Variants in KIAA1586 observed in about 807,000 individuals in gnomAD.
KIAA1586 encodes the protein E3 SUMO-protein ligase KIAA1586.
A neutral mutation model predicts 6.1 loss-of-function variants in KIAA1586; 5 were observed. The observed-to-expected ratio is 0.82, with a 90% CI of 0.43 to 1.73. KIAA1586 has a LOEUF of 1.73. Ranked by LOEUF, KIAA1586 falls within the 40% of genes most tolerant of loss-of-function variation. The pLI is 0.02. For missense variants in KIAA1586, 899 were observed against 878.2 expected (o/e 1.02, Z -0.30); for synonymous variants, 280 against 301.7 (o/e 0.93, Z 0.75).
chr6:57,048,920 A>G, intron 2 of KIAA1586, among the ~76,000 whole-genome samples: 1 of 152,206 alleles, frequency 6.6e-6, no homozygotes, highest in East Asian at 1.9e-4. Context: ...TGAGGAATAA[A>G]TCATTATATT....
intron 3 of KIAA1586, among the ~76,000 whole-genome samples, chr6:57,051,896 C>T (rs1382762868): frequency 6.6e-6 from 1 of 152,178 alleles, no homozygotes; most frequent in Non-Finnish European, 1.5e-5. Context: ...ATTGCTTGAA[C>T]CCGGGAGGTG....
In KIAA1586 at chr6:57,054,477, A is replaced by G. The variant is rs911695814; in HGVS notation, c.1978A>G (p.Lys660Glu). 34 of 1,597,568 alleles carry G rather than the reference A, an allele frequency of 2.1e-5. No homozygotes were observed. The highest frequency in any genetic ancestry group is 2.9e-5 in the Non-Finnish European group (34 of 1,173,868). Residue 660 changes from lysine (K) to glutamate (E), a missense_variant, in exon 4 of 4, where the codon AAA (lysine) becomes GAA (glutamate). By Grantham distance (56) the Lys-to-Glu change is moderately conservative. Coordinates refer to ENST00000370733, the MANE Select transcript of KIAA1586 (RefSeq NM_020931.4). Reference sequence around the variant, plus strand: ...TGAAAAAACATTATTTCATTTGTGTAAAATTTTAAAATATGAAGTTGATTT... The same window carrying G: ...TGAAAAAACATTATTTCATTTGTGTGAAATTTTAAAATATGAAGTTGATTT... ...AGEKTLFHLCKILKYEVDLND... is the reference protein window; with the variant it reads ...AGEKTLFHLCEILKYEVDLND...
the KIAA1586 span, among the ~76,000 whole-genome samples, chr6:57,065,718 A>T: frequency 6.6e-6 from 1 of 152,068 alleles, no homozygotes; most frequent in Non-Finnish European, 1.5e-5. Flanking sequence ...CATCTTTTTC[A>T]TTCATTGTGC....
At chr6:57,051,518 A>G (rs1207665302) in intron 3 of KIAA1586, among the ~76,000 whole-genome samples, 2 of 151,790 alleles carry the variant, frequency 1.3e-5, no homozygotes, top group Non-Finnish European at 2.9e-5. Context: ...TTGATTTATT[A>G]TTTGTTGATT....
rs1386135525 is a variant in KIAA1586 at position 57,050,918 on chromosome 6, G to T, written c.186+64G>T. On this transcript the variant is annotated intron_variant, in intron 3 of 3. Coordinates refer to ENST00000370733, the MANE Select transcript of KIAA1586 (RefSeq NM_020931.4). Reference sequence around the variant, plus strand: ...TAAGTGCAATAGTGTGTTGGTGGTAGCTTGAACTGGATCATAAGAACTAAT... The same window carrying T: ...TAAGTGCAATAGTGTGTTGGTGGTATCTTGAACTGGATCATAAGAACTAAT... 6.8e-6 allele frequency: 8 copies of T among 1,168,110 alleles called. No homozygotes were observed. In the East Asian group the frequency reaches 1.9e-4, roughly 28 times the overall value. The allele number at this position is 1,168,110 out of a possible 1,614,324, so 72.4% of individuals were successfully genotyped here.
rs749456077 is a variant in KIAA1586 at position 57,054,583 on chromosome 6, A to G, written c.2084A>G (p.Lys695Arg). 2 of 1,607,916 alleles carry G rather than the reference A, an allele frequency of 1.2e-6. No individual in the cohort carries two copies. Among genetic ancestry groups the G allele is most frequent in the Admixed American group, 1.7e-5 (1 of 59,602 alleles). ...SIPTTIYKAK[K>R]IVSTIAINSA... ...CCTACAACTATATACAAAGCTAAAA[A>G]GATAGTTAGCACCATTGCAATCAAT... is the stretch of plus-strand genomic sequence containing the variant. The change falls in exon 4 of 4, where the codon AAG becomes AGG. Residue 695 changes from lysine to arginine, a missense_variant. Transcript: ENST00000370733.
chr6:57,052,690 T>C lies in KIAA1586; in HGVS notation c.191T>C (p.Leu64Pro), dbSNP rs1164357103. The change falls in exon 4 of 4, where the codon CTG becomes CCG. Residue 64 changes from leucine (L) to proline (P), a missense_variant. Physicochemically the swap from Leu to Pro is moderately conservative, Grantham distance 98. Coordinates refer to ENST00000370733, the MANE Select transcript of KIAA1586 (RefSeq NM_020931.4). ...ATATGTAAAATTATTTTTCAGATTC[T>C]GTTTCCTAAAATGCCAAAACGACAG... ...ENPSAYYSDILFPKMPKRQGD... is the reference protein window; with the variant it reads ...ENPSAYYSDIPFPKMPKRQGD... The C allele has an allele frequency of 1.3e-6, 2 of 1,550,436 alleles. No homozygotes were observed. Among genetic ancestry groups the C allele is most frequent in the Non-Finnish European group, 1.7e-6 (2 of 1,150,550 alleles).
chr6:57,064,270 G>T, the KIAA1586 span, among the ~76,000 whole-genome samples: 1 of 152,162 alleles, frequency 6.6e-6, no homozygotes, highest in African/African-American at 2.4e-5. Context: ...ATGGAATAAA[G>T]AATAAAAGTT....
At chr6:57,065,230 T>C in the KIAA1586 span, among the ~76,000 whole-genome samples, 1 of 152,208 alleles carries the variant, frequency 6.6e-6, no homozygotes, top group Non-Finnish European at 1.5e-5. Context: ...TGGGGCAATT[T>C]TTTTTAATCT....
Position 57,053,117 on chromosome 6 carries a change from A to C in KIAA1586, c.618A>C (p.Lys206Asn), listed in dbSNP as rs765533267. ...CTAGGCAAGCTTCTCTACGAAAAAA[A>C]ATTAGGGAACATGATGTTTCTAAAG... ...KTTRQASLRK[K>N]IREHDVSKAH... Residue 206 changes from lysine (K) to asparagine (N), a missense_variant, in exon 4 of 4, where the codon AAA (lysine) becomes AAC (asparagine). Physicochemically the swap from Lys to Asn is moderately conservative, Grantham distance 94. Transcript: ENST00000370733. 1.9e-6 allele frequency: 3 copies of C among 1,610,618 alleles called. No homozygotes were observed. The Admixed American group carries it at 5.1e-5, about 27-fold the overall frequency.
downstream of KIAA1586, chr6:57,055,255 A>G (rs1196373074): frequency 6.5e-6 from 1 of 153,512 alleles, no homozygotes; most frequent in East Asian, 1.9e-4. Context: ...TCTCATTTCC[A>G]TATCTGTGCT....
chr6:57,061,825 T>C, the KIAA1586 span, among the ~76,000 whole-genome samples: 2 of 152,132 alleles, frequency 1.3e-5, no homozygotes, highest in Non-Finnish European at 2.9e-5. Flanking sequence ...AATTACAATC[T>C]TCGCAATATT....
At position 57,052,758 on chromosome 6, in the gene KIAA1586, GAC is replaced by G. The variant is rs762597758; in HGVS notation, c.263_264del (p.Thr88ArgfsTer3). ...HFLNVKKVKT[D>X]TENNEVSKNH... ...TTTAAATGTGAAGAAGGTGAAAACAGACACAGAAAATAATGAAGTGAGCAAAA... is the reference window on the plus strand; with the variant it reads ...TTTAAATGTGAAGAAGGTGAAAACAGACAGAAAATAATGAAGTGAGCAAAA... On this transcript the variant is annotated frameshift_variant, in exon 4 of 4. Coordinates refer to ENST00000370733, the MANE Select transcript of KIAA1586 (RefSeq NM_020931.4). LOFTEE classifies it low-confidence loss of function (END_TRUNC). The G allele has an allele frequency of 6.8e-5, 109 of 1,608,548 alleles. No homozygotes were observed. The highest frequency in any genetic ancestry group is 7.6e-5 in the Non-Finnish European group (90 of 1,177,838).
chr6:57,049,509 A>G (rs1270787037), intron 2 of KIAA1586, among the ~76,000 whole-genome samples: 1 of 152,204 alleles, frequency 6.6e-6, no homozygotes, highest in Admixed American at 6.5e-5. Flanking sequence ...GTGTTCTGTC[A>G]TGTACCTAGC....
In KIAA1586 at chr6:57,054,824, C is replaced by T; in HGVS notation, c.2325C>T (p.Val775=). ...DTRVRQKSTK[V]FHENQLAIWN... ...GAGTTCGGCAAAAGTCAACAAAAGT[C>T]TTCCATGAGAATCAATTGGCTATAT... The change falls in exon 4 of 4, where the codon GTC becomes GTT. Residue 775 remains valine (V), a synonymous_variant. Coordinates refer to ENST00000370733, the MANE Select transcript of KIAA1586 (RefSeq NM_020931.4). 6.4e-7 allele frequency: 1 copy of T among 1,550,648 alleles called. No individual in the cohort carries two copies. The highest frequency in any genetic ancestry group is 8.7e-7 in the Non-Finnish European group (1 of 1,146,422).
At chr6:57,062,961 A>C in the KIAA1586 span, among the ~76,000 whole-genome samples, 1 of 152,144 alleles carries the variant, frequency 6.6e-6, no homozygotes, top group Non-Finnish European at 1.5e-5. Context: ...AGGCTGAAGC[A>C]GGAGAATCAC....
At position 57,054,473 on chromosome 6, in the gene KIAA1586, G is replaced by A; in HGVS notation, c.1974G>A (p.Leu658=). The A allele has an allele frequency of 2.5e-6, 4 of 1,600,168 alleles. No homozygotes were observed. The highest frequency in any genetic ancestry group is 3.4e-6 in the Non-Finnish European group (4 of 1,174,738). The change falls in exon 4 of 4, where the codon TTG becomes TTA. Residue 658 remains leucine, a synonymous_variant. Transcript: ENST00000370733. ...CTGGTGAAAAAACATTATTTCATTT[G>A]TGTAAAATTTTAAAATATGAAGTTG... ...WIAGEKTLFH[L]CKILKYEVDL...
chr6:57,063,936 C>T, the KIAA1586 span, among the ~76,000 whole-genome samples: 2 of 151,962 alleles, frequency 1.3e-5, no homozygotes, highest in Admixed American at 6.5e-5. Context: ...AACAAAGCAC[C>T]TTAGGTTCTA....
chr6:57,065,640 C>T, the KIAA1586 span, among the ~76,000 whole-genome samples: 56 of 152,246 alleles, frequency 3.7e-4, no homozygotes, highest in Admixed American at 1.2e-3. Flanking sequence ...GCTCACACCA[C>T]CACACCTGGC....
Sources: gnomAD v4.1 joint callset for allele counts (sites outside exome capture counted in the v4.1 genomes callset) on GRCh38, gnomAD v4.1.1 for gene constraint, MANE v1.5 for transcripts, NCBI Gene and HGNC (gene_info 2026-07-23, HGNC 2026-07-21) for gene names.